Variants in IRAG2 observed in about 807,000 individuals in gnomAD.
IRAG2 encodes the protein inositol 1,4,5-triphosphate receptor associated 2.
IRAG2 carries 45 observed loss-of-function variants against 69.9 expected under a neutral mutation model. The observed-to-expected ratio is 0.64, with a 90% CI of 0.51 to 0.83. The LOEUF (loss-of-function observed/expected upper bound fraction) is 0.83. IRAG2 is among the 40% of genes least tolerant of loss of function. IRAG2 has a pLI of 0.00. For missense variants in IRAG2, 520 were observed against 587.0 expected (o/e 0.89, Z 1.18); for synonymous variants, 193 against 202.4 (o/e 0.95, Z 0.40).
upstream of IRAG2, among the ~76,000 whole-genome samples, chr12:25,051,437 CATTT>C (rs555599423): frequency 2.6e-5 from 4 of 152,218 alleles, no homozygotes; most frequent in Non-Finnish European, 5.9e-5. Context: ...CAACTCCCGA[CATTT>C]ATCACCACTT....
upstream of IRAG2, among the ~76,000 whole-genome samples, chr12:25,049,764 C>T (rs973013152): frequency 4.6e-5 from 7 of 151,518 alleles, no homozygotes; most frequent in African/African-American, 1.5e-4. Context: ...AGGCGGATCA[C>T]GAGGTCAGGA....
intron 11 of IRAG2, among the ~76,000 whole-genome samples, chr12:25,088,506 C>T (rs1015689153): frequency 7.9e-5 from 12 of 152,198 alleles, no homozygotes; most frequent in South Asian, 2.1e-4. Flanking sequence ...TGCTTTTCCC[C>T]TTAGCCTACC....
In IRAG2 at chr12:25,083,494, G is replaced by A; in HGVS notation, c.315+1G>A. The A allele has an allele frequency of 6.3e-7, 1 of 1,580,556 alleles. No homozygotes were observed. The highest frequency in any genetic ancestry group is 1.1e-5 in the South Asian group (1 of 90,270). On this transcript the variant is annotated splice_donor_variant, in intron 10 of 21. Coordinates refer to ENST00000556887, the MANE Select transcript of IRAG2 (RefSeq NM_001366544.2). LOFTEE classifies it high-confidence loss of function. Reference sequence around the variant, plus strand: ...TAAGGATAAAACCATATTAAATCTGGTAAGGAAATACGTATGTTCACAACA... The same window carrying A: ...TAAGGATAAAACCATATTAAATCTGATAAGGAAATACGTATGTTCACAACA...
At chr12:25,023,122 G>A (rs1359123729) in intron 7 of IRAG2, among the ~76,000 whole-genome samples, 97 of 67,668 alleles carry the variant, frequency 1.4e-3, no homozygotes, top group African/African-American at 3.9e-3. Context: ...GCGAGACTTC[G>A]TCTCAAAAAA....
At chr12:25,003,298 T>C (rs923834937), upstream of IRAG2, among the ~76,000 whole-genome samples, 3 of 152,228 alleles carry the variant, frequency 2.0e-5, no homozygotes, top group Non-Finnish European at 2.9e-5. Context: ...GTTGTAACTA[T>C]TGAAACTATT....
intron 10 of IRAG2, among the ~76,000 whole-genome samples, 196 bp downstream of exon 10, chr12:25,083,689 A>G (rs1314338736): frequency 6.6e-6 from 1 of 152,242 alleles, no homozygotes; most frequent in Non-Finnish European, 1.5e-5. Context: ...AAGTCACACA[A>G]CAGGATCAGA....
chr12:25,077,518 A>T (rs1282691078), intron 6 of IRAG2, among the ~76,000 whole-genome samples: 2 of 151,300 alleles, frequency 1.3e-5, no homozygotes, highest in East Asian at 3.9e-4. Flanking sequence ...TTCTCTTTAA[A>T]ATTGAATTCA....
At chr12:25,081,850 G>A (rs1310661820) in intron 9 of IRAG2, among the ~76,000 whole-genome samples, 1 of 152,124 alleles carries the variant, frequency 6.6e-6, no homozygotes, top group Non-Finnish European at 1.5e-5. Flanking sequence ...AGTACAGAAT[G>A]TTAAGTATAG....
At chr12:25,101,987 C>CAGGCAT (rs1216589020) in intron 16 of IRAG2, 12 of 680,844 alleles carry the variant, frequency 1.8e-5, no homozygotes, top group Non-Finnish European at 3.2e-5. Context: ...TTATGGACAT[C>CAGGCAT]ACAGTGACAC....
At chr12:25,097,145 T>C in intron 15 of IRAG2, 101 bp downstream of exon 15, 1 of 1,236,708 alleles carries the variant, frequency 8.1e-7, no homozygotes, top group Non-Finnish European at 1.1e-6. Flanking sequence ...TTTTAAAAAA[T>C]ACTTTTGTTG....
intron 8 of IRAG2, chr12:25,026,773 C>A: frequency 8.6e-7 from 1 of 1,165,450 alleles, no homozygotes; most frequent in Non-Finnish European, 1.1e-6. Context: ...TCCAAGAATA[C>A]TATCTTTTAC....
At chr12:25,091,250 A>T (rs1439330867) in intron 14 of IRAG2, 2 of 155,642 alleles carry the variant, frequency 1.3e-5, no homozygotes, top group East Asian at 3.8e-4. Flanking sequence ...GTACCTGTTA[A>T]TTTCCCTTTT....
chr12:25,087,085 C>A (rs1480101849), intron 10 of IRAG2, among the ~76,000 whole-genome samples: 1 of 151,028 alleles, frequency 6.6e-6, no homozygotes, highest in Non-Finnish European at 1.5e-5. Flanking sequence ...CATCAAACTT[C>A]AGCATGTTTC....
chr12:25,050,230 T>C (rs1170573693), upstream of IRAG2, among the ~76,000 whole-genome samples: 1 of 151,536 alleles, frequency 6.6e-6, no homozygotes, highest in African/African-American at 2.4e-5. Flanking sequence ...GTGCAGGCAC[T>C]ATAGAAAATG....
chr12:25,063,608 A>C (rs1243275143), intron 3 of IRAG2, 112 bp from the exon 4 acceptor site: 9 of 397,194 alleles, frequency 2.3e-5, no homozygotes, highest in Non-Finnish European at 3.5e-5. Context: ...TCTCTCTCAC[A>C]GGGTCACTTG....
chr12:25,034,610 C>T (rs1944690950), intron 13 of IRAG2, among the ~76,000 whole-genome samples: 1 of 152,080 alleles, frequency 6.6e-6, no homozygotes, highest in Non-Finnish European at 1.5e-5. Flanking sequence ...CCTTTGTATT[C>T]TCCAGTTTTG....
rs574077855 is a variant in IRAG2, at chr12:25,069,426, A to G, written c.19A>G (p.Met7Val). ...CATCAGGATGAATGATGACCCAAGT[A>G]TGGAAGTGAGTGTTGGACTGGATTT... Reference protein sequence around the residue: MNDDPSMEENGVERVCP... With the variant: MNDDPSVEENGVERVCP... Residue 7 changes from methionine to valine, a missense_variant, in exon 6 of 22, where the codon ATG (methionine) becomes GTG (valine). Coordinates refer to ENST00000556887, the MANE Select transcript of IRAG2 (RefSeq NM_001366544.2). 8.1e-6 allele frequency: 13 copies of G among 1,614,078 alleles called. No homozygotes were observed. The highest frequency in any genetic ancestry group is 1.1e-5 in the Non-Finnish European group (13 of 1,179,926).
At chr12:25,076,949 C>T (rs1356832150) in intron 6 of IRAG2, among the ~76,000 whole-genome samples, 1 of 151,070 alleles carries the variant, frequency 6.6e-6, no homozygotes, top group Non-Finnish European at 1.5e-5. Context: ...GATCACAGCT[C>T]ACTGCAACCT....
Position 25,103,830 on chromosome 12 carries a change from C to A in IRAG2, c.934-7C>A, listed in dbSNP as rs369311178. ...TTTCTAAATGTACATTTTCCTCCTT[C>A]TGGTAGCCATCTTCTCTACGAAGAG... is the stretch of plus-strand genomic sequence containing the variant. On this transcript the variant is annotated splice_polypyrimidine_tract_variant and splice_region_variant and intron_variant, in intron 17 of 21. Coordinates refer to ENST00000556887, the MANE Select transcript of IRAG2 (RefSeq NM_001366544.2). The A allele has an allele frequency of 4.4e-5, 71 of 1,604,086 alleles. No homozygotes were observed. The highest frequency in any genetic ancestry group is 5.6e-5 in the Non-Finnish European group (66 of 1,172,032).
Sources: allele counts gnomAD v4.1 joint callset (sites outside exome capture counted in the v4.1 genomes callset), GRCh38; gene constraint gnomAD v4.1.1; transcripts MANE v1.5; gene names NCBI Gene and HGNC (gene_info 2026-07-23, HGNC 2026-07-21).